NYAP2: variants seen among roughly 807,000 people sequenced by gnomAD.
NYAP2 encodes neuronal tyrosine-phosphorylated phosphoinositide-3-kinase adapter 2.
In NYAP2, 23 loss-of-function variants were observed where a neutral mutation model predicts 50.4. The observed-to-expected ratio is 0.46, with a 90% CI of 0.33 to 0.65. The LOEUF is 0.65. Ranked by LOEUF, NYAP2 falls within the 30% of genes least tolerant of loss-of-function variation. NYAP2 has a pLI of 0.02. For missense variants in NYAP2, 885 were observed against 861.0 expected, an observed-to-expected ratio of 1.03 and a Z score of -0.35; for synonymous variants, 394 against 365.2, an observed-to-expected ratio of 1.08 and a Z score of -0.90.
In NYAP2 at chr2:225,554,932, T is replaced by TA. The variant is rs544026647; in HGVS notation, c.524-27003dup. ...TACATGATAAAATGTATTTTATAAA[T>TA]AAAAAATAACAGCTAATGAAAAGAT... On this transcript the variant is annotated intron_variant, in intron 4 of 6. Coordinates refer to ENST00000636099, the Ensembl canonical transcript of NYAP2. Among the ~76,000 whole-genome samples, 90 of 152,218 alleles carry TA rather than the reference T, an allele frequency of 5.9e-4. 2 individuals are homozygous for TA. The East Asian group carries it at 0.016, about 27-fold the overall frequency.
chr2:225,634,362 A>G (rs1202201555), intron 6 of NYAP2, among the ~76,000 whole-genome samples: 1 of 152,110 alleles, frequency 6.6e-6, no homozygotes, highest in Non-Finnish European at 1.5e-5. Flanking sequence ...TCACGTGACA[A>G]CCAGTATGAG....
At chr2:225,398,100 A>G (rs1028535193), upstream of NYAP2, among the ~76,000 whole-genome samples, 1 of 151,880 alleles carries the variant, frequency 6.6e-6, no homozygotes, top group African/African-American at 2.4e-5. Context: ...TTCATTTTTT[A>G]TGCTTGGCAA....
chr2:225,664,106 T>G, the NYAP2 span, among the ~76,000 whole-genome samples: 1 of 152,220 alleles, frequency 6.6e-6, no homozygotes, highest in Non-Finnish European at 1.5e-5. Context: ...GGAACTCTAT[T>G]ACACAGTAAA....
At chr2:225,512,661 C>T (rs928411445) in intron 3 of NYAP2, among the ~76,000 whole-genome samples, 2 of 144,594 alleles carry the variant, frequency 1.4e-5, no homozygotes, top group African/African-American at 5.0e-5. Context: ...CCCTTCCTCC[C>T]ATCTTTCTTT....
the NYAP2 span, among the ~76,000 whole-genome samples, chr2:225,668,374 A>C: frequency 1.3e-5 from 2 of 152,108 alleles, no homozygotes; most frequent in Non-Finnish European, 2.9e-5. Context: ...CAACATCAAT[A>C]AGACTCTCTC....
At chr2:225,427,298 A>T (rs1037201607) in intron 3 of NYAP2, among the ~76,000 whole-genome samples, 1 of 152,236 alleles carries the variant, frequency 6.6e-6, no homozygotes, top group Non-Finnish European at 1.5e-5. Context: ...TCTTAATGTG[A>T]TACTAAGTGA....
chr2:225,612,741 GC>G (rs34376743), intron 5 of NYAP2, among the ~76,000 whole-genome samples: 5 of 84,298 alleles, frequency 5.9e-5, no homozygotes, highest in African/African-American at 1.9e-4. Context: ...CGTCATGGAG[GC>G]CCCCCCCTTA....
intron 6 of NYAP2, among the ~76,000 whole-genome samples, chr2:225,636,880 C>T (rs1480496398): frequency 2.0e-5 from 3 of 152,184 alleles, no homozygotes; most frequent in African/African-American, 7.2e-5. Flanking sequence ...GAACCATCTA[C>T]TTGACCCACA....
At chr2:225,576,514 G>T (rs1009712917) in intron 4 of NYAP2, among the ~76,000 whole-genome samples, 3 of 152,176 alleles carry the variant, frequency 2.0e-5, no homozygotes, top group African/African-American at 7.2e-5. Flanking sequence ...AAGAGTTATT[G>T]TGAGCACAGT....
exon 7 of NYAP2, chr2:225,651,743 G>T (rs1283885963): frequency 2.9e-6 from 2 of 687,032 alleles, no homozygotes; most frequent in South Asian, 2.1e-5. Flanking sequence ...GTGATTGGTG[G>T]TGAAACTTTC....
chr2:225,622,677 T>C (rs1421593203), intron 5 of NYAP2, among the ~76,000 whole-genome samples: 2 of 151,534 alleles, frequency 1.3e-5, no homozygotes, highest in Admixed American at 1.3e-4. Flanking sequence ...CCTCCCGGGT[T>C]CAAGCGATTC....
At chr2:225,491,925 T>TA (rs1443895445) in intron 3 of NYAP2, among the ~76,000 whole-genome samples, 1 of 152,114 alleles carries the variant, frequency 6.6e-6, no homozygotes, top group Non-Finnish European at 1.5e-5. Context: ...GTGAAAGACT[T>TA]AAAAAACCTA....
intron 3 of NYAP2, among the ~76,000 whole-genome samples, chr2:225,425,956 A>G (rs189427644): frequency 6.6e-6 from 1 of 152,254 alleles, no homozygotes; most frequent in East Asian, 1.9e-4. Flanking sequence ...AAAGAAATAA[A>G]TGAAGGGGGA....
At chr2:225,488,983 C>T (rs935559558) in intron 3 of NYAP2, among the ~76,000 whole-genome samples, 1 of 152,158 alleles carries the variant, frequency 6.6e-6, no homozygotes, top group Non-Finnish European at 1.5e-5. Context: ...ACCAGCACAG[C>T]TTTGCTAAGA....
At chr2:225,566,145 G>T (rs1459219578) in intron 4 of NYAP2, among the ~76,000 whole-genome samples, 1 of 152,026 alleles carries the variant, frequency 6.6e-6, no homozygotes, top group Non-Finnish European at 1.5e-5. Flanking sequence ...CCCCCAAAGC[G>T]CATTGTCTGA....
chr2:225,656,471 A>T (rs571918768), downstream of NYAP2, among the ~76,000 whole-genome samples: 81 of 152,208 alleles, frequency 5.3e-4, no homozygotes, highest in African/African-American at 1.8e-3. Context: ...CCTTTGCTTG[A>T]CGACCTTGCA....
At chr2:225,438,856 CCTA>C (rs1689426867) in intron 3 of NYAP2, among the ~76,000 whole-genome samples, 1 of 152,080 alleles carries the variant, frequency 6.6e-6, no homozygotes, top group Non-Finnish European at 1.5e-5. Flanking sequence ...TAAAGTAAGA[CCTA>C]CAGTATGAGT....
intron 3 of NYAP2, among the ~76,000 whole-genome samples, chr2:225,489,926 G>T (rs931058574): frequency 3.9e-5 from 6 of 152,190 alleles, no homozygotes; most frequent in Non-Finnish European, 7.3e-5. Context: ...TTTGAGAACT[G>T]CTGAGTTACA....
intron 4 of NYAP2, among the ~76,000 whole-genome samples, chr2:225,553,259 G>A (rs980046697): frequency 2.0e-5 from 3 of 152,242 alleles, no homozygotes; most frequent in Non-Finnish European, 4.4e-5. Flanking sequence ...AAAACAAGTA[G>A]TAAACCAGGA....
Sources: gnomAD v4.1 joint callset for allele counts (sites outside exome capture counted in the v4.1 genomes callset) on GRCh38, gnomAD v4.1.1 for gene constraint, MANE v1.5 for transcripts, NCBI Gene and HGNC (gene_info 2026-07-23, HGNC 2026-07-21) for gene names.